The following KDM5A variants were observed in gnomAD, a reference collection of about 807,000 sequenced individuals.
The protein encoded by KDM5A is lysine-specific demethylase 5A.
Under a neutral mutation model 193.5 loss-of-function variants are expected in KDM5A, and 42 were observed. The ratio of observed to expected loss-of-function variants is 0.22; its 90% confidence interval spans 0.17 to 0.28. KDM5A has a LOEUF of 0.28. Ranked by LOEUF, KDM5A falls within the 10% of genes least tolerant of loss-of-function variation. The pLI, the probability that KDM5A is intolerant of heterozygous loss-of-function variation, is 1.00. For synonymous variants in KDM5A, 796 were observed against 718.1 expected, an observed-to-expected ratio of 1.11 and a Z score of -1.73; for missense variants, 1,692 against 2,055.1, an observed-to-expected ratio of 0.82 and a Z score of 3.42.
Position 305,700 on chromosome 12 carries a change from A to T in KDM5A, c.4074+1246T>A, listed in dbSNP as rs138081742. Among the ~76,000 whole-genome samples, 6 of 152,344 alleles carry T rather than the reference A, an allele frequency of 3.9e-5. No homozygotes were observed. In the East Asian group the frequency reaches 5.8e-4, roughly 15 times the overall value. On this transcript the variant is annotated intron_variant, in intron 24 of 27. Transcript: ENST00000399788. ...TCACATTGTTATTACTAGGTTAAAA[A>T]GCAAAGGGCTTGCACCTGACAAAAA...
intron 22 of KDM5A, among the ~76,000 whole-genome samples, chr12:308,907 A>G (rs564657932): frequency 4.6e-5 from 7 of 152,342 alleles, no homozygotes; most frequent in Non-Finnish European, 1.0e-4. Context: ...CCAAAAAAGC[A>G]TAATTCTCAT....
intron 17 of KDM5A, 72 bp from the exon 18 acceptor site, chr12:321,181 T>C: frequency 9.6e-7 from 1 of 1,040,356 alleles, no homozygotes; most frequent in Non-Finnish European, 1.5e-6. Context: ...GCTCCTAGTC[T>C]CTTCAGAATT....
intron 10 of KDM5A, among the ~76,000 whole-genome samples, chr12:345,978 C>G (rs1056757110): frequency 6.6e-6 from 1 of 151,908 alleles, no homozygotes; most frequent in African/African-American, 2.4e-5. Flanking sequence ...AAATCCAGGA[C>G]CTGGTTTTTT....
At chr12:380,745 T>C (rs187251899) in intron 3 of KDM5A, among the ~76,000 whole-genome samples, 19 of 152,122 alleles carry the variant, frequency 1.2e-4, no homozygotes, top group Non-Finnish European at 1.3e-4. Context: ...AGAAAGAGCT[T>C]CATTAAAGAG....
At chr12:375,832 T>G (rs866815591) in intron 3 of KDM5A, among the ~76,000 whole-genome samples, 1 of 152,234 alleles carries the variant, frequency 6.6e-6, no homozygotes, top group South Asian at 2.1e-4. Flanking sequence ...TGTTGGAGTT[T>G]GCTGGAGGTC....
intron 20 of KDM5A, among the ~76,000 whole-genome samples, chr12:311,544 TC>T (rs201945302): frequency 0.013 from 2,052 of 152,206 alleles, 49 homozygotes; most frequent in African/African-American, 0.046. Flanking sequence ...ATTGACTTAG[TC>T]CTTCAATTCT....
At chr12:353,564 G>T (rs1163081676) in intron 8 of KDM5A, among the ~76,000 whole-genome samples, 2 of 152,056 alleles carry the variant, frequency 1.3e-5, no homozygotes, top group East Asian at 3.9e-4. Flanking sequence ...GTTAGAAAAA[G>T]AATCTTTGAA....
At chr12:376,175 G>A (rs959174239) in intron 3 of KDM5A, among the ~76,000 whole-genome samples, 3 of 152,248 alleles carry the variant, frequency 2.0e-5, no homozygotes, top group African/African-American at 4.8e-5. Context: ...CCTGCCCCCA[G>A]AGGTGGAGTC....
At chr12:384,555 CT>C (rs59535360) in intron 2 of KDM5A, among the ~76,000 whole-genome samples, 4,301 of 152,180 alleles carry the variant, frequency 0.028, 146 homozygotes, top group South Asian at 0.15. Flanking sequence ...AATTCAAAGA[CT>C]TTTTTTCATT....
At chr12:352,784 C>T (rs934001524) in intron 8 of KDM5A, among the ~76,000 whole-genome samples, 2 of 152,162 alleles carry the variant, frequency 1.3e-5, no homozygotes, top group Admixed American at 6.5e-5. Flanking sequence ...ATCACTATGA[C>T]CAATGTCTTA....
At chr12:324,500 A>G (rs143782888) in intron 14 of KDM5A, among the ~76,000 whole-genome samples, 2 of 152,354 alleles carry the variant, frequency 1.3e-5, no homozygotes, top group Non-Finnish European at 2.9e-5. Flanking sequence ...ACAAAGAAGT[A>G]TAAAGTAAAT....
chr12:289,418 T>C (rs557219861), intron 27 of KDM5A, among the ~76,000 whole-genome samples: 23 of 152,240 alleles, frequency 1.5e-4, no homozygotes, highest in Middle Eastern at 3.4e-3. Flanking sequence ...AATTTAATAA[T>C]CAAAGGAAAA....
At chr12:313,372 G>A (rs1391992406) in intron 19 of KDM5A, among the ~76,000 whole-genome samples, 178 bp from the exon 20 acceptor site, 2 of 152,132 alleles carry the variant, frequency 1.3e-5, no homozygotes, top group East Asian at 1.9e-4. Context: ...AAACTTCACA[G>A]ATAAGAAAAG....
intron 13 of KDM5A, among the ~76,000 whole-genome samples, chr12:330,085 G>GTGTGTGTGTGTGTATATATATATATA (rs377271333): frequency 8.6e-5 from 12 of 139,374 alleles, no homozygotes; most frequent in Middle Eastern, 3.6e-3. Flanking sequence ...GTGTGTGTGT[G>GTGTGTGTGTGTGTATATATATATATA]TATATATATA....
chr12:329,161 C>A, intron 13 of KDM5A, 132 bp from the exon 14 acceptor site: 1 of 768,958 alleles, frequency 1.3e-6, no homozygotes, highest in Non-Finnish European at 2.2e-6. Context: ...TATAAAGAGG[C>A]AATATTCTAT....
At position 347,021 on chromosome 12, in the gene KDM5A, C is replaced by G. The variant is rs544720025; in HGVS notation, c.1308+3600G>C. Among the ~76,000 whole-genome samples, 3 of 152,308 alleles carry G rather than the reference C, an allele frequency of 2.0e-5. No individual in the cohort carries two copies. In the South Asian group the frequency reaches 6.2e-4, roughly 32 times the overall value. ...TGACTGTATATTTAGAAAATCCCAT[C>G]ATCTCAGCCCAAAATCTCCTTAAGC... On this transcript the variant is annotated intron_variant, in intron 10 of 27. Transcript: ENST00000399788.
chr12:314,913 T>C (rs982605389), intron 19 of KDM5A, among the ~76,000 whole-genome samples: 8 of 152,312 alleles, frequency 5.3e-5, no homozygotes, highest in African/African-American at 1.9e-4. Flanking sequence ...AGCAAGAGGC[T>C]AGATGACAGA....
chr12:323,210 C>CAAAAAAAAGAAAAAAAAAAA lies in KDM5A; in HGVS notation c.2151-5_2151-4insTTTTTTTTTTTCTTTTTTTT. The CAAAAAAAAGAAAAAAAAAAA allele has an allele frequency of 3.4e-6, 1 of 294,574 alleles. No individual in the cohort carries two copies. The highest frequency in any genetic ancestry group is 1.3e-4 in the Admixed American group (1 of 7,780). The allele number at this position is 294,574 out of a possible 1,614,324, so 18.2% of individuals were successfully genotyped here. On this transcript the variant is annotated splice_polypyrimidine_tract_variant and splice_region_variant and intron_variant, in intron 15 of 27. Coordinates refer to ENST00000399788, the MANE Select transcript of KDM5A (RefSeq NM_001042603.3). ...GTCTTCTAATGGGTAGCGATATCTA[C>CAAAAAAAAGAAAAAAAAAAA]AAAAAAAAAAAAAAAAAAAAAAAAA...
chr12:383,996 C>T (rs370862577), intron 3 of KDM5A, 35 bp downstream of exon 3: 12 of 1,606,536 alleles, frequency 7.5e-6, no homozygotes, highest in Non-Finnish European at 1.0e-5. Flanking sequence ...ATTCACAAGC[C>T]TGTGCTCTAA....
Sources: gnomAD v4.1 joint callset for allele counts (sites outside exome capture counted in the v4.1 genomes callset) on GRCh38, gnomAD v4.1.1 for gene constraint, MANE v1.5 for transcripts, NCBI Gene and HGNC (gene_info 2026-07-23, HGNC 2026-07-21) for gene names.